CWF19L2: variants seen among roughly 807,000 people sequenced by gnomAD.
CWF19L2 encodes CWF19 like cell cycle control factor 2.
In CWF19L2, 98 loss-of-function variants were observed where a neutral mutation model predicts 111.7. The ratio of observed to expected loss-of-function variants is 0.88; its 90% CI spans 0.75 to 1.04. The LOEUF is 1.04. Among genes scored for constraint, CWF19L2 ranks in the 50% least tolerant of loss-of-function variants. The pLI, the probability that CWF19L2 is intolerant of heterozygous loss-of-function variation, is 0.00. For synonymous variants in CWF19L2, 351 were observed against 342.9 expected (o/e 1.02, Z -0.26); for missense variants, 1,101 against 1,051.4 (o/e 1.05, Z -0.65).
intron 17 of CWF19L2, among the ~76,000 whole-genome samples, chr11:107,327,308 CTA>C (rs1201524483): frequency 1.3e-5 from 2 of 152,230 alleles, no homozygotes; most frequent in South Asian, 4.1e-4. Context: ...ATTAGCACAT[CTA>C]CTAGATGGTA....
At chr11:107,356,656 G>A (rs994991782) in intron 12 of CWF19L2, among the ~76,000 whole-genome samples, 2 of 152,128 alleles carry the variant, frequency 1.3e-5, no homozygotes, top group African/African-American at 4.8e-5. Context: ...TCATTTTCAT[G>A]AAATAGTGTC....
chr11:107,443,343 C>T (rs975296112), intron 3 of CWF19L2, among the ~76,000 whole-genome samples: 7 of 151,932 alleles, frequency 4.6e-5, no homozygotes, highest in African/African-American at 1.2e-4. Flanking sequence ...GTTAGCCAAG[C>T]GTGGTGGCGC....
At chr11:107,420,147 C>T (rs947673927) in intron 8 of CWF19L2, among the ~76,000 whole-genome samples, 4 of 151,594 alleles carry the variant, frequency 2.6e-5, no homozygotes, top group Admixed American at 6.6e-5. Context: ...AAATAGAAAA[C>T]GAATAGCAAA....
intron 10 of CWF19L2, among the ~76,000 whole-genome samples, chr11:107,393,809 C>G (rs1860883210): frequency 6.6e-6 from 1 of 152,028 alleles, no homozygotes; most frequent in Non-Finnish European, 1.5e-5. Context: ...TCTCACTTAA[C>G]AGTGGGAACT....
intron 12 of CWF19L2, among the ~76,000 whole-genome samples, chr11:107,379,670 AT>A (rs1860652209): frequency 6.6e-6 from 1 of 152,226 alleles, no homozygotes. Context: ...AAAAATATTA[AT>A]GTCTTCTAAC....
At chr11:107,383,361 CTCGGTGCG>C (rs1252291752) in intron 12 of CWF19L2, among the ~76,000 whole-genome samples, 2 of 152,200 alleles carry the variant, frequency 1.3e-5, no homozygotes, top group Admixed American at 6.5e-5. Context: ...GTGTCCACTG[CTCGGTGCG>C]TGGAGAAAAA....
At chr11:107,433,104 T>C (rs1160380425) in intron 7 of CWF19L2, among the ~76,000 whole-genome samples, 1 of 152,164 alleles carries the variant, frequency 6.6e-6, no homozygotes, top group African/African-American at 2.4e-5. Context: ...CCAGAAATCT[T>C]ACTACTTTCT....
In CWF19L2 at chr11:107,373,364, T is replaced by C. The variant is rs1860544206; in HGVS notation, c.1872+16710A>G. On this transcript the variant is annotated intron_variant, in intron 12 of 17. Transcript: ENST00000282251. ...CAGCAGTAACCTTCGCAGACTTAAA[T>C]GCCCCTGTCTGACAGCTTTGAAGAC... Among the ~76,000 whole-genome samples, 2 of 133,994 alleles carry C rather than the reference T, an allele frequency of 1.5e-5. 1 individual carries two copies. Among genetic ancestry groups the C allele is most frequent in the African/African-American group, 6.1e-5 (2 of 32,716 alleles). 87.9% of individuals were successfully genotyped at this position (133,994 alleles called of 152,430 possible).
At chr11:107,347,809 T>C (rs976546461) in intron 14 of CWF19L2, among the ~76,000 whole-genome samples, 1 of 152,210 alleles carries the variant, frequency 6.6e-6, no homozygotes, top group Non-Finnish European at 1.5e-5. Context: ...ATTAAGCAGC[T>C]TGATTTCTTA....
At chr11:107,388,021 T>C (rs1289381941) in intron 12 of CWF19L2, among the ~76,000 whole-genome samples, 2 of 152,172 alleles carry the variant, frequency 1.3e-5, no homozygotes, top group African/African-American at 4.8e-5. Context: ...TTGTCTCTGC[T>C]TCAGATCCTT....
At chr11:107,430,412 T>C (rs1460402816) in intron 7 of CWF19L2, among the ~76,000 whole-genome samples, 1 of 152,090 alleles carries the variant, frequency 6.6e-6, no homozygotes, top group Admixed American at 6.6e-5. Flanking sequence ...ATATAGAGAA[T>C]TCAATTCACA....
At chr11:107,393,871 T>C (rs1261270295) in intron 10 of CWF19L2, among the ~76,000 whole-genome samples, 1 of 152,044 alleles carries the variant, frequency 6.6e-6, no homozygotes, top group Non-Finnish European at 1.5e-5. Flanking sequence ...CACTGTAGTC[T>C]CCAAAAGCAG....
chr11:107,361,044 G>A (rs1860324123), intron 12 of CWF19L2, among the ~76,000 whole-genome samples: 1 of 152,182 alleles, frequency 6.6e-6, no homozygotes, highest in Admixed American at 6.5e-5. Flanking sequence ...GTCCAGAAGA[G>A]TTTCCCCTAG....
At chr11:107,335,899 T>C (rs989056807) in intron 15 of CWF19L2, among the ~76,000 whole-genome samples, 1 of 152,098 alleles carries the variant, frequency 6.6e-6, no homozygotes, top group Non-Finnish European at 1.5e-5. Flanking sequence ...GCACATTCAA[T>C]ATAAAAGCAT....
At chr11:107,421,052 AAC>A (rs1861296645) in intron 8 of CWF19L2, among the ~76,000 whole-genome samples, 1 of 152,126 alleles carries the variant, frequency 6.6e-6, no homozygotes, top group African/African-American at 2.4e-5. Flanking sequence ...AAGCTATACA[AAC>A]AGTCTCATAA....
intron 13 of CWF19L2, 104 bp from the exon 14 acceptor site, chr11:107,349,157 T>C (rs1463128580): frequency 7.0e-6 from 3 of 431,396 alleles, no homozygotes; most frequent in Non-Finnish European, 1.2e-5. Flanking sequence ...GAGCCCCTAG[T>C]AGAAAAAAAT....
intron 12 of CWF19L2, among the ~76,000 whole-genome samples, chr11:107,355,049 G>C (rs1018042079): frequency 7.8e-4 from 118 of 152,140 alleles, no homozygotes; most frequent in African/African-American, 2.4e-3. Context: ...TCTACTAAGT[G>C]TAATATAAGT....
At chr11:107,457,375 G>A (rs1861870020) in intron 1 of CWF19L2, among the ~76,000 whole-genome samples, 1 of 152,196 alleles carries the variant, frequency 6.6e-6, no homozygotes, top group African/African-American at 2.4e-5. Flanking sequence ...CTGAGGCTGC[G>A]AGACATGCTG....
intron 10 of CWF19L2, among the ~76,000 whole-genome samples, chr11:107,412,804 A>G (rs1861176414): frequency 6.6e-6 from 1 of 152,248 alleles, no homozygotes. Flanking sequence ...ATTATTCAGC[A>G]CTAAAAAGAA....
Sources: gnomAD v4.1 joint callset for allele counts (sites outside exome capture counted in the v4.1 genomes callset) on GRCh38, gnomAD v4.1.1 for gene constraint, MANE v1.5 for transcripts, NCBI Gene and HGNC (gene_info 2026-07-23, HGNC 2026-07-21) for gene names.